Variants in PALM2AKAP2 observed in about 807,000 individuals in gnomAD.
The protein encoded by PALM2AKAP2 is PALM2 and AKAP2 fusion, also known as PALM2-AKAP2 fusion protein.
In PALM2AKAP2, 37 loss-of-function variants were observed where a neutral mutation model predicts 71.5. That is an observed-to-expected ratio of 0.52 (90% CI 0.40 to 0.68). PALM2AKAP2 has a LOEUF of 0.68. Ranked by LOEUF, PALM2AKAP2 falls within the 30% of genes least tolerant of loss-of-function variation. PALM2AKAP2 has a pLI of 0.00. For missense variants in PALM2AKAP2, 1,224 were observed against 1,191.8 expected, an observed-to-expected ratio of 1.03 and a Z score of -0.40; for synonymous variants, 468 against 478.8, an observed-to-expected ratio of 0.98 and a Z score of 0.29.
intron 6 of PALM2AKAP2, among the ~76,000 whole-genome samples, chr9:109,974,239 C>A (rs1436788402): frequency 6.6e-6 from 1 of 152,184 alleles, no homozygotes; most frequent in African/African-American, 2.4e-5. Flanking sequence ...GTGCCAAGGG[C>A]AGTTTCTGAT....
chr9:109,962,217 G>A (rs1008271484), intron 6 of PALM2AKAP2, among the ~76,000 whole-genome samples: 1 of 152,118 alleles, frequency 6.6e-6, no homozygotes, highest in South Asian at 2.1e-4. Flanking sequence ...TGGCAAAGAG[G>A]GTTAAATCTC....
In PALM2AKAP2 at chr9:110,125,540, C is replaced by T. The variant is rs555324091; in HGVS notation, c.157-10587C>T. 2.6e-5 allele frequency: 26 copies of T among 985,554 alleles called. No homozygotes were observed. In the African/African-American group the frequency reaches 4.4e-4, roughly 17 times the overall value. 61.1% of individuals were successfully genotyped at this position (985,554 alleles called of 1,614,324 possible). A position where few individuals can be genotyped will look rare whatever the true frequency, so the allele number is the denominator to read the frequency against. ...CTTGAGCCAGGGTGCACGCAGGAAT[C>T]TGTCTGGAAAAAGGCAGTTCTCACT... On this transcript the variant is annotated intron_variant, in intron 1 of 3. Coordinates refer to ENST00000374525, the Ensembl canonical transcript of PALM2AKAP2.
intron 1 of PALM2AKAP2, among the ~76,000 whole-genome samples, chr9:110,091,033 T>C (rs1283593374): frequency 6.6e-6 from 1 of 152,106 alleles, no homozygotes; most frequent in Non-Finnish European, 1.5e-5. Context: ...AAGAATGGCC[T>C]TAGGGTTTGA....
rs540448224 is a variant in PALM2AKAP2, at chr9:110,101,964, G to A, written c.157-34163G>A. Among the ~76,000 whole-genome samples the A allele has an allele frequency of 1.9e-4, 29 of 152,346 alleles. No homozygotes were observed. The South Asian group carries it at 5.8e-3, about 30-fold the overall frequency. On this transcript the variant is annotated intron_variant, in intron 1 of 3. Coordinates refer to ENST00000374525, the Ensembl canonical transcript of PALM2AKAP2. ...GTCTACCACCATGAGAGCTGCTGCTGATGGGCACTGCACTGTGCATGTTGC... is the reference window on the plus strand; with the variant it reads ...GTCTACCACCATGAGAGCTGCTGCTAATGGGCACTGCACTGTGCATGTTGC...
intron 4 of PALM2AKAP2, 32 bp downstream of exon 4, chr9:109,923,881 A>G: frequency 6.5e-7 from 1 of 1,536,978 alleles, no homozygotes; most frequent in Non-Finnish European, 8.7e-7. Flanking sequence ...TCTCAAAGTT[A>G]TTTCCATGGG....
intron 3 of PALM2AKAP2, among the ~76,000 whole-genome samples, chr9:109,914,722 T>A (rs1009918631): frequency 5.9e-5 from 9 of 152,222 alleles, no homozygotes; most frequent in Non-Finnish European, 7.3e-5. Context: ...TTCAAACCCA[T>A]GTCAACTGAG....
chr9:110,033,591 A>G (rs1192989941), intron 7 of PALM2AKAP2, among the ~76,000 whole-genome samples: 4 of 152,266 alleles, frequency 2.6e-5, no homozygotes, highest in Non-Finnish European at 5.9e-5. Context: ...TTATAAGGTC[A>G]CAAATTCTGG....
chr9:109,870,226 A>T (rs1380680445), intron 2 of PALM2AKAP2, among the ~76,000 whole-genome samples: 1 of 152,152 alleles, frequency 6.6e-6, no homozygotes, highest in Non-Finnish European at 1.5e-5. Context: ...TTATTTTGAT[A>T]TGAGGAAAGG....
At chr9:110,074,918 T>G (rs186058138) in intron 1 of PALM2AKAP2, among the ~76,000 whole-genome samples, 2 of 151,740 alleles carry the variant, frequency 1.3e-5, no homozygotes, top group African/African-American at 4.8e-5. Context: ...CAGGAGAATC[T>G]CTTGAACCCA....
intron 1 of PALM2AKAP2, among the ~76,000 whole-genome samples, chr9:109,785,752 C>T (rs2118834085): frequency 6.6e-6 from 1 of 152,266 alleles, no homozygotes; most frequent in Non-Finnish European, 1.5e-5. Flanking sequence ...CCTCCCACAA[C>T]ACGTGGGAAT....
At chr9:109,952,366 G>A (rs948862200) in intron 6 of PALM2AKAP2, among the ~76,000 whole-genome samples, 1 of 152,244 alleles carries the variant, frequency 6.6e-6, no homozygotes, top group Non-Finnish European at 1.5e-5. Context: ...ACCACCTGCA[G>A]AGCAGTCACA....
At chr9:109,721,083 G>A (rs960967664) in intron 1 of PALM2AKAP2, among the ~76,000 whole-genome samples, 8 of 152,310 alleles carry the variant, frequency 5.3e-5, no homozygotes, top group Middle Eastern at 3.4e-3. Flanking sequence ...CCAACTCATA[G>A]CTTTGGCCCT....
intron 1 of PALM2AKAP2, among the ~76,000 whole-genome samples, chr9:109,674,494 G>A (rs1041340150): frequency 2.6e-5 from 4 of 152,040 alleles, no homozygotes; most frequent in Admixed American, 6.6e-5. Flanking sequence ...GTTACTGGTG[G>A]CCTCCCTTAA....
intron 1 of PALM2AKAP2, among the ~76,000 whole-genome samples, chr9:109,856,635 T>A (rs1829174916): frequency 6.6e-6 from 1 of 152,252 alleles, no homozygotes; most frequent in African/African-American, 2.4e-5. Context: ...CTACCCTGCA[T>A]GTTTATTACT....
intron 1 of PALM2AKAP2, among the ~76,000 whole-genome samples, chr9:109,803,266 A>G (rs908549722): frequency 6.6e-6 from 1 of 152,240 alleles, no homozygotes; most frequent in Admixed American, 6.5e-5. Context: ...ATTTTTCACA[A>G]ATCCTTTTGC....
chr9:110,162,939 T>A (rs1023165541), intron 3 of PALM2AKAP2, among the ~76,000 whole-genome samples: 2 of 152,136 alleles, frequency 1.3e-5, no homozygotes, highest in Non-Finnish European at 2.9e-5. Flanking sequence ...CTCAAACTCC[T>A]GGCCTCAAGT....
rs541527678 is a variant in PALM2AKAP2 at position 109,928,498 on chromosome 9, TGAA to T, written c.394+3421_395-3422del. Among the ~76,000 whole-genome samples, 22 of 152,258 alleles carry T rather than the reference TGAA, an allele frequency of 1.4e-4. 1 individual carries two copies. In the South Asian group the frequency reaches 4.4e-3, roughly 30 times the overall value. On this transcript the variant is annotated intron_variant, in intron 5 of 9. Transcript: ENST00000302798. ...GGGCAGCTTATTAATTGAGGCCACC[TGAA>T]GAAGTTTTTCCCATTGAAGTTTTGG... is the stretch of plus-strand genomic sequence containing the variant.
chr9:109,859,109 C>A (rs759651600), intron 1 of PALM2AKAP2, among the ~76,000 whole-genome samples: 113 of 152,140 alleles, frequency 7.4e-4, no homozygotes, highest in Non-Finnish European at 1.4e-3. Context: ...TGGGATGTTT[C>A]TTAAGGTTTT....
intron 6 of PALM2AKAP2, among the ~76,000 whole-genome samples, chr9:109,959,535 C>T (rs1831813914): frequency 6.6e-6 from 1 of 151,416 alleles, no homozygotes; most frequent in South Asian, 2.1e-4. Context: ...GTCCCAGCTA[C>T]TCGGGAGGTT....
Sources: gnomAD v4.1 joint callset for allele counts (sites outside exome capture counted in the v4.1 genomes callset) on GRCh38, gnomAD v4.1.1 for gene constraint, MANE v1.5 for transcripts, NCBI Gene and HGNC (gene_info 2026-07-23, HGNC 2026-07-21) for gene names.